UBASH3B: variants seen among roughly 807,000 people sequenced by gnomAD.
The protein encoded by UBASH3B is ubiquitin-associated and SH3 domain-containing protein B.
UBASH3B carries 37 observed loss-of-function variants against 83.4 expected under a neutral mutation model. The observed-to-expected ratio is 0.44, with a 90% CI of 0.34 to 0.58. The LOEUF is 0.58. UBASH3B is among the 20% of genes least tolerant of loss of function. UBASH3B has a pLI of 0.01. For missense variants in UBASH3B, 657 were observed against 827.2 expected (o/e 0.79, Z 2.52); for synonymous variants, 304 against 318.3 (o/e 0.96, Z 0.48).
chr11:122,687,550 G>A (rs1019415325), intron 1 of UBASH3B, among the ~76,000 whole-genome samples: 6 of 152,150 alleles, frequency 3.9e-5, no homozygotes, highest in African/African-American at 1.2e-4. Flanking sequence ...GAGGGACCAC[G>A]AGAAAGATAT....
At position 122,776,228 on chromosome 11, in the gene UBASH3B, C is replaced by T. The variant is rs34347341; in HGVS notation, c.171C>T (p.Ala57=). The change falls in exon 2 of 14, where the codon GCC becomes GCT. Residue 57 remains alanine (A), a synonymous_variant. Transcript: ENST00000284273. ...TGATTTCTTCTTTCAGACAAAAAGC[C>T]TTGGCATCCACGGGAGGAAGAAGTG... ...MGFPRARAQK[A]LASTGGRSVQ... is the part of the protein sequence containing the mutation. 6.2e-7 allele frequency: 1 copy of T among 1,610,280 alleles called. No individual in the cohort carries two copies. The highest frequency in any genetic ancestry group is 8.5e-7 in the Non-Finnish European group (1 of 1,178,702).
At chr11:122,786,821 T>C (rs1408938712) in intron 5 of UBASH3B, among the ~76,000 whole-genome samples, 1 of 152,210 alleles carries the variant, frequency 6.6e-6, no homozygotes, top group Non-Finnish European at 1.5e-5. Context: ...TGGGTCCCAG[T>C]TGTAATTTTA....
At chr11:122,783,008 T>C in intron 4 of UBASH3B, 45 bp from the exon 5 acceptor site, 1 of 1,584,744 alleles carries the variant, frequency 6.3e-7, no homozygotes, top group East Asian at 2.2e-5. Flanking sequence ...ACCATTGCTA[T>C]CATCACCACC....
chr11:122,785,440 C>T (rs1453411216), intron 5 of UBASH3B, among the ~76,000 whole-genome samples: 1 of 152,170 alleles, frequency 6.6e-6, no homozygotes, highest in Non-Finnish European at 1.5e-5. Flanking sequence ...GTGGTTTAGG[C>T]AAGGACACTC....
At chr11:122,783,416 C>A (rs1223950250) in intron 5 of UBASH3B, among the ~76,000 whole-genome samples, 194 bp downstream of exon 5, 2 of 152,144 alleles carry the variant, frequency 1.3e-5, no homozygotes, top group Non-Finnish European at 2.9e-5. Flanking sequence ...TCCCTCCTCT[C>A]TGGGTCACAA....
At chr11:122,687,990 C>T (rs1023308038) in intron 1 of UBASH3B, among the ~76,000 whole-genome samples, 1 of 152,112 alleles carries the variant, frequency 6.6e-6, no homozygotes, top group African/African-American at 2.4e-5. Flanking sequence ...TGCTTCTCTG[C>T]CTGACTTCTT....
intron 1 of UBASH3B, among the ~76,000 whole-genome samples, chr11:122,666,620 T>C (rs1336248304): frequency 6.6e-6 from 1 of 152,114 alleles, no homozygotes; most frequent in Non-Finnish European, 1.5e-5. Flanking sequence ...GGTTTCACCA[T>C]GTTTGCCAGG....
At chr11:122,729,434 GAA>G (rs1860801050) in intron 1 of UBASH3B, among the ~76,000 whole-genome samples, 1 of 152,080 alleles carries the variant, frequency 6.6e-6, no homozygotes, top group South Asian at 2.1e-4. Context: ...AAACTGATTG[GAA>G]AAAGACATTT....
intron 10 of UBASH3B, among the ~76,000 whole-genome samples, chr11:122,800,921 T>C (rs1861247874): frequency 1.3e-5 from 2 of 152,130 alleles, no homozygotes; most frequent in Admixed American, 1.3e-4. Context: ...ATAAATTATA[T>C]GGATAATGAG....
intron 1 of UBASH3B, among the ~76,000 whole-genome samples, chr11:122,724,690 G>A (rs537311378): frequency 2.6e-4 from 38 of 144,480 alleles, no homozygotes; most frequent in Non-Finnish European, 4.2e-4. Flanking sequence ...AAAGGGGAAC[G>A]GCATTCCAGA....
Position 122,758,074 on chromosome 11 carries a change from C to G in UBASH3B, c.162-18145C>G, listed in dbSNP as rs1209123188. 6.6e-6 allele frequency among the ~76,000 whole-genome samples: 1 copy of G among 152,152 alleles called. No individual in the cohort carries two copies. The highest frequency in any genetic ancestry group is 1.5e-5 in the Non-Finnish European group (1 of 68,022). On this transcript the variant is annotated intron_variant, in intron 1 of 13. Coordinates refer to ENST00000284273, the MANE Select transcript of UBASH3B (RefSeq NM_032873.5). This position sits in a 1 kb window ranked among gnomAD's most constrained non-coding sequence, Gnocchi z 4.2. ...AGCTTCCTGGGGGCCCTTCGTCTGG[C>G]AAGGGCTTAGGTGTCTTTACCAAGT...
chr11:122,694,575 A>C (rs1863937841), intron 1 of UBASH3B, among the ~76,000 whole-genome samples: 1 of 152,184 alleles, frequency 6.6e-6, no homozygotes, highest in Admixed American at 6.5e-5. Context: ...TGTCTCTAAA[A>C]AAACTTGGAA....
chr11:122,769,422 C>T (rs879699488), intron 1 of UBASH3B, among the ~76,000 whole-genome samples: 7 of 152,160 alleles, frequency 4.6e-5, no homozygotes, highest in Admixed American at 3.9e-4. Context: ...CAATGCCATG[C>T]CATAAAGGTT....
chr11:122,784,316 C>T (rs956707688), intron 5 of UBASH3B, among the ~76,000 whole-genome samples: 1 of 152,150 alleles, frequency 6.6e-6, no homozygotes, highest in African/African-American at 2.4e-5. Context: ...AGAGATGAAG[C>T]AAGAGCCCAT....
At chr11:122,756,384 G>T (rs1861282778) in intron 1 of UBASH3B, among the ~76,000 whole-genome samples, 1 of 152,184 alleles carries the variant, frequency 6.6e-6, no homozygotes, top group Admixed American at 6.5e-5. Flanking sequence ...CCTGCCCTGA[G>T]GATTAAATAA....
intron 1 of UBASH3B, among the ~76,000 whole-genome samples, chr11:122,666,630 G>C (rs1379156213): frequency 6.6e-6 from 1 of 152,066 alleles, no homozygotes; most frequent in Non-Finnish European, 1.5e-5. Context: ...TGTTTGCCAG[G>C]CTGGTCTCGA....
At chr11:122,737,083 T>C (rs1457836446) in intron 1 of UBASH3B, among the ~76,000 whole-genome samples, 4 of 151,932 alleles carry the variant, frequency 2.6e-5, no homozygotes, top group African/African-American at 7.3e-5. Context: ...CTGAAAGAAA[T>C]CTAATGTTGC....
At chr11:122,696,038 C>G (rs899889618) in intron 1 of UBASH3B, among the ~76,000 whole-genome samples, 2 of 152,124 alleles carry the variant, frequency 1.3e-5, no homozygotes, top group African/African-American at 4.8e-5. Flanking sequence ...TAGCTTCCGT[C>G]TCCCAGGTTT....
intron 11 of UBASH3B, among the ~76,000 whole-genome samples, chr11:122,803,486 C>A (rs193075774): frequency 6.6e-6 from 1 of 152,216 alleles, no homozygotes; most frequent in East Asian, 1.9e-4. Flanking sequence ...GGGAAGCTAA[C>A]CAGGCTGGTG....
Sources: allele counts gnomAD v4.1 joint callset (sites outside exome capture counted in the v4.1 genomes callset), GRCh38; gene constraint gnomAD v4.1.1; non-coding constraint Gnocchi (gnomAD v3.1); transcripts MANE v1.5; gene names NCBI Gene and HGNC (gene_info 2026-07-23, HGNC 2026-07-21).